The following ARRDC1 variants were observed in gnomAD, a reference collection of about 807,000 sequenced individuals.
The protein encoded by ARRDC1 is arrestin domain containing 1.
In ARRDC1, 37 loss-of-function variants were observed where a neutral mutation model predicts 40.1. The ratio of observed to expected loss-of-function variants is 0.92; its 90% CI spans 0.71 to 1.21. The LOEUF is 1.21. ARRDC1 is among the 50% of genes most tolerant of loss of function. The probability of loss-of-function intolerance (pLI) is 0.00; values close to 1 mark genes in which losing one functional copy is unlikely to be tolerated. For missense variants in ARRDC1, 641 were observed against 581.9 expected (o/e 1.10, Z -1.04); for synonymous variants, 310 against 262.5 (o/e 1.18, Z -1.75).
At chr9:137,613,390 T>C (rs1842576467) in intron 2 of ARRDC1, 70 bp from the exon 3 acceptor site, 6 of 1,546,620 alleles carry the variant, frequency 3.9e-6, no homozygotes, top group Admixed American at 1.8e-5. Flanking sequence ...CCCACTCTTA[T>C]CCTGGCCCTG....
chr9:137,614,011 C>G (rs779174998), intron 4 of ARRDC1, 21 bp from the exon 5 acceptor site: 1 of 1,612,560 alleles, frequency 6.2e-7, no homozygotes, highest in African/African-American at 1.3e-5. Context: ...TGCTAAGCCC[C>G]TCCCTGGCCC....
chr9:137,613,883 G>C, intron 4 of ARRDC1, 114 bp downstream of exon 4: 1 of 1,533,912 alleles, frequency 6.5e-7, no homozygotes, highest in Non-Finnish European at 8.9e-7. Context: ...GGTGAGGGGG[G>C]CCAGGGTCTG....
At chr9:137,608,867 C>T (rs981600160) in intron 1 of ARRDC1, among the ~76,000 whole-genome samples, 3 of 152,210 alleles carry the variant, frequency 2.0e-5, no homozygotes, top group African/African-American at 7.2e-5. Flanking sequence ...TTGGAGGCTG[C>T]TTACTCTGGC....
At chr9:137,606,128 C>G (rs1042938748) in intron 1 of ARRDC1, among the ~76,000 whole-genome samples, 4 of 151,890 alleles carry the variant, frequency 2.6e-5, no homozygotes, top group African/African-American at 9.7e-5. Flanking sequence ...GCGACCCTCC[C>G]CGTCCGCGCT....
intron 2 of ARRDC1, 109 bp from the exon 3 acceptor site, chr9:137,613,351 G>C: frequency 8.1e-7 from 1 of 1,228,600 alleles, no homozygotes; most frequent in Non-Finnish European, 1.2e-6. Flanking sequence ...GAGACAGGGA[G>C]ACCCAGTGTG....
chr9:137,614,708 G>GGAGGCT lies in ARRDC1; in HGVS notation c.959_964dup (p.Glu320_Ala321dup), dbSNP rs566052691. Reference sequence around the variant, plus strand: ...TGGTGCCTTCCGCACCACCCCAGGAGGAGGCTGAGGCTGAGGCTGCGGCTG... The same window carrying GGAGGCT: ...TGGTGCCTTCCGCACCACCCCAGGAGGAGGCTGAGGCTGAGGCTGAGGCTGCGGCTG... On this transcript the variant is annotated inframe_insertion, in exon 7 of 8. Transcript: ENST00000371421. 35 of 1,610,846 alleles carry GGAGGCT rather than the reference G, an allele frequency of 2.2e-5. No homozygotes were observed. Among genetic ancestry groups the GGAGGCT allele is most frequent in the African/African-American group, 2.7e-5 (2 of 74,734 alleles).
chr9:137,607,586 C>T (rs942399061), intron 1 of ARRDC1, among the ~76,000 whole-genome samples: 3 of 152,208 alleles, frequency 2.0e-5, no homozygotes, highest in Non-Finnish European at 4.4e-5. Flanking sequence ...CAGTGGTTCT[C>T]GGAGCACTCA....
chr9:137,608,467 C>T (rs1043265076), intron 1 of ARRDC1, among the ~76,000 whole-genome samples: 1 of 152,232 alleles, frequency 6.6e-6, no homozygotes, highest in African/African-American at 2.4e-5. Flanking sequence ...GGCTCGGTTC[C>T]CTTCAGCGTG....
intron 1 of ARRDC1, chr9:137,611,587 AAAAAAAC>A (rs1842521336): frequency 2.9e-5 from 3 of 102,260 alleles, no homozygotes; most frequent in Admixed American, 1.3e-4. Flanking sequence ...CAACAACAAC[AAAAAAAC>A]AAAAAATGGA....
chr9:137,605,743 T>C lies in ARRDC1; in HGVS notation c.26T>C (p.Ile9Thr). Residue 9 changes from isoleucine to threonine, a missense_variant, in exon 1 of 8, where the codon ATC (isoleucine) becomes ACC (threonine). By Grantham distance (89) the Ile-to-Thr change is moderately conservative. Transcript: ENST00000371421. MGRVQLFE[I>T]SLSHGRVVYS... ...ATGGGGCGAGTGCAGCTCTTCGAGA[T>C]CAGCCTGAGCCACGGCCGCGTCGTC... 7.2e-7 allele frequency: 1 copy of C among 1,386,046 alleles called. No homozygotes were observed. The highest frequency in any genetic ancestry group is 9.4e-7 in the Non-Finnish European group (1 of 1,066,550). 85.9% of individuals were successfully genotyped at this position (1,386,046 alleles called of 1,614,324 possible). A position where few individuals can be genotyped will look rare whatever the true frequency, so the allele number is the denominator to read the frequency against.
chr9:137,605,775 C>A lies in ARRDC1; in HGVS notation c.58C>A (p.Pro20Thr). Reference protein sequence around the residue: ...SLSHGRVVYSPGEPLAGTVRV... With the variant: ...SLSHGRVVYSTGEPLAGTVRV... ...GAGCCACGGCCGCGTCGTCTACAGC[C>A]CCGGGGAGCCGTTGGCTGGGACCGT... Residue 20 changes from proline to threonine, a missense_variant, in exon 1 of 8, where the codon CCC (proline) becomes ACC (threonine). Pro to Thr is a conservative substitution (Grantham distance 38). Transcript: ENST00000371421. 1.5e-6 allele frequency: 2 copies of A among 1,350,156 alleles called. No individual in the cohort carries two copies. The highest frequency in any genetic ancestry group is 1.9e-6 in the Non-Finnish European group (2 of 1,049,316). 83.6% of individuals were successfully genotyped at this position (1,350,156 alleles called of 1,614,324 possible).
Position 137,614,364 on chromosome 9 carries a change from G to A in ARRDC1, c.684G>A (p.Ala228=), listed in dbSNP as rs146163923. The part of the protein sequence containing the change: ...DVRTIAEVEG[A]GVKAWRRAQW... ...GGACCATTGCGGAGGTGGAGGGTGC[G>A]GGCGTCAAGGCCTGGCGGCGGGCGC... Residue 228 remains alanine, a synonymous_variant, in exon 6 of 8, where the codon GCG becomes GCA. Transcript: ENST00000371421. The A allele has an allele frequency of 1.7e-5, 27 of 1,612,950 alleles. No homozygotes were observed. Among genetic ancestry groups the A allele is most frequent in the African/African-American group, 1.5e-4 (11 of 74,938 alleles).
At chr9:137,613,107 G>C (rs1213000955) in intron 2 of ARRDC1, 101 bp downstream of exon 2, 1 of 956,452 alleles carries the variant, frequency 1.0e-6, no homozygotes. Context: ...CTGCCTCTTG[G>C]ATCTGGCACT....
chr9:137,613,868 G>C, intron 4 of ARRDC1, 99 bp downstream of exon 4: 1 of 1,548,416 alleles, frequency 6.5e-7, no homozygotes, highest in South Asian at 1.2e-5. Context: ...CCTGTCCCCA[G>C]CTGAGGTGAG....
chr9:137,606,635 G>C (rs941384301), intron 1 of ARRDC1, among the ~76,000 whole-genome samples: 1 of 152,238 alleles, frequency 6.6e-6, no homozygotes, highest in Non-Finnish European at 1.5e-5. Context: ...CTGTGGCCCT[G>C]ACCCTGCACC....
Position 137,614,900 on chromosome 9 carries a change from T to C in ARRDC1, c.1137T>C (p.Gly379=). ...PLHPPLCIST[G]ATVPYFAEGS... ...ACCCTCCCTTGTGCATTTCAACAGGTGCCACTGTCCCCTACTTTGCAGAGG... is the reference window on the plus strand; with the variant it reads ...ACCCTCCCTTGTGCATTTCAACAGGCGCCACTGTCCCCTACTTTGCAGAGG... The change falls in exon 7 of 8, where the codon GGT becomes GGC. Residue 379 remains glycine (G), a synonymous_variant. Transcript: ENST00000371421. 1 of 1,613,860 alleles carries C rather than the reference T, an allele frequency of 6.2e-7. No individual in the cohort carries two copies. Among genetic ancestry groups the C allele is most frequent in the Non-Finnish European group, 8.5e-7 (1 of 1,180,020 alleles).
intron 1 of ARRDC1, among the ~76,000 whole-genome samples, chr9:137,610,388 A>C (rs1842493585): frequency 6.6e-6 from 1 of 151,132 alleles, no homozygotes; most frequent in Non-Finnish European, 1.5e-5. Context: ...TGTGGGTTCC[A>C]GCATTTTTCT....
chr9:137,614,793 C>T lies in ARRDC1; in HGVS notation c.1030C>T (p.Pro344Ser). 1 of 1,612,460 alleles carries T rather than the reference C, an allele frequency of 6.2e-7. No homozygotes were observed. Among genetic ancestry groups the T allele is most frequent in the Middle Eastern group, 1.7e-4 (1 of 6,052 alleles). The change falls in exon 7 of 8, where the codon CCC (proline) becomes TCC (serine). Residue 344 changes from proline to serine, a missense_variant. Coordinates refer to ENST00000371421, the MANE Select transcript of ARRDC1 (RefSeq NM_152285.4). The part of the protein sequence containing the change: ...LSTKSHSQRQ[P>S]LLATLSSVPG... ...CACCAAGAGCCATTCGCAGCGGCAG[C>T]CCCTGCTGGCCACCTTGAGTTCTGT...
At chr9:137,606,042 G>A (rs564725780) in intron 1 of ARRDC1, among the ~76,000 whole-genome samples, 18 of 151,792 alleles carry the variant, frequency 1.2e-4, no homozygotes, top group Admixed American at 1.1e-3. Flanking sequence ...CTCTCGCCGA[G>A]GGGCGGCGGG....
Sources: allele counts gnomAD v4.1 joint callset (sites outside exome capture counted in the v4.1 genomes callset), GRCh38; gene constraint gnomAD v4.1.1; transcripts MANE v1.5; gene names NCBI Gene and HGNC (gene_info 2026-07-23, HGNC 2026-07-21).